Variants in CACNB2 observed in about 807,000 individuals in gnomAD.
The protein encoded by CACNB2 is voltage-dependent L-type calcium channel subunit beta-2.
A neutral mutation model predicts 73.3 loss-of-function variants in CACNB2; 42 were observed. That is an observed-to-expected ratio of 0.57 (90% CI 0.45 to 0.74). The LOEUF is 0.74. Among genes scored for constraint, CACNB2 ranks in the 30% least tolerant of loss-of-function variants. The pLI, the probability that CACNB2 is intolerant of heterozygous loss-of-function variation, is 0.00. For missense variants in CACNB2, 940 were observed against 853.0 expected, an observed-to-expected ratio of 1.10 and a Z score of -1.27; for synonymous variants, 348 against 310.3, an observed-to-expected ratio of 1.12 and a Z score of -1.28.
chr10:18,255,216 C>T (rs962629451), intron 2 of CACNB2, among the ~76,000 whole-genome samples: 2 of 152,114 alleles, frequency 1.3e-5, no homozygotes, highest in African/African-American at 4.8e-5. Context: ...TGATAATCAC[C>T]TGCCTCTCTA....
At chr10:18,479,356 T>G (rs866352336) in intron 3 of CACNB2, among the ~76,000 whole-genome samples, 1 of 152,124 alleles carries the variant, frequency 6.6e-6, no homozygotes, top group African/African-American at 2.4e-5. Context: ...TGCTGAGAAA[T>G]TACTGTAGGT....
intron 2 of CACNB2, among the ~76,000 whole-genome samples, chr10:18,171,630 G>A (rs907683924): frequency 7.6e-6 from 1 of 132,182 alleles, no homozygotes; most frequent in Non-Finnish European, 1.6e-5. Flanking sequence ...GACTCACTTA[G>A]TTTACACACC....
At chr10:18,242,672 G>A (rs947421076) in intron 2 of CACNB2, among the ~76,000 whole-genome samples, 1 of 152,094 alleles carries the variant, frequency 6.6e-6, no homozygotes, top group South Asian at 2.1e-4. Context: ...ATTAAAAGTA[G>A]AGAAATTTTA....
intron 2 of CACNB2, among the ~76,000 whole-genome samples, chr10:18,171,000 C>T (rs906359944): frequency 2.0e-5 from 3 of 152,284 alleles, no homozygotes; most frequent in East Asian, 1.9e-4. Flanking sequence ...TGCTCAAGAC[C>T]GTGTGTGCTC....
chr10:18,243,491 G>C (rs904836109), intron 2 of CACNB2, among the ~76,000 whole-genome samples: 1 of 152,162 alleles, frequency 6.6e-6, no homozygotes, highest in Non-Finnish European at 1.5e-5. Flanking sequence ...CTTGGATGTA[G>C]TTCGTGCCTC....
intron 1 of CACNB2, among the ~76,000 whole-genome samples, chr10:18,145,046 C>T (rs932410465): frequency 1.3e-5 from 2 of 152,186 alleles, no homozygotes; most frequent in Non-Finnish European, 2.9e-5. Context: ...TTGTCAGTGG[C>T]ACCTCCAGTC....
intron 3 of CACNB2, among the ~76,000 whole-genome samples, chr10:18,438,632 C>A (rs1265080770): frequency 6.6e-6 from 1 of 152,266 alleles, no homozygotes; most frequent in East Asian, 1.9e-4. Context: ...AAGGCCGTTT[C>A]TTCTCCTCTT....
chr10:18,475,097 G>A (rs1223289796), intron 3 of CACNB2, among the ~76,000 whole-genome samples: 3 of 150,772 alleles, frequency 2.0e-5, no homozygotes, highest in Non-Finnish European at 4.4e-5. Context: ...TACAACTCAG[G>A]AACAGCCAGA....
intron 3 of CACNB2, among the ~76,000 whole-genome samples, chr10:18,420,879 A>C (rs10828677): frequency 0.26 from 38,875 of 152,114 alleles, 5,304 homozygotes; most frequent in East Asian, 0.56. Flanking sequence ...ATAATTTTTT[A>C]AAAAAATTTA....
intron 2 of CACNB2, among the ~76,000 whole-genome samples, chr10:18,326,206 A>C (rs1312008838): frequency 6.6e-6 from 1 of 152,248 alleles, no homozygotes; most frequent in East Asian, 1.9e-4. Context: ...AAAAGGAAAA[A>C]AATGGACTGA....
chr10:18,262,013 A>C, intron 2 of CACNB2: 1 of 518,850 alleles, frequency 1.9e-6, no homozygotes, highest in Non-Finnish European at 3.8e-6. Context: ...CGCTGGCTTG[A>C]TTTTCATACT....
intron 1 of CACNB2, 27 bp from the exon 2 acceptor site, chr10:18,150,856 T>TTTTTTTTG: frequency 4.5e-6 from 1 of 219,784 alleles, no homozygotes; most frequent in Non-Finnish European, 7.7e-6. Context: ...CTTATTTGTC[T>TTTTTTTTG]TTTTTTTTTT....
intron 2 of CACNB2, among the ~76,000 whole-genome samples, chr10:18,388,346 A>T (rs900362031): frequency 2.6e-5 from 4 of 152,190 alleles, no homozygotes; most frequent in Non-Finnish European, 5.9e-5. Context: ...CAGCTAAATA[A>T]TCTAAAATTT....
intron 9 of CACNB2, among the ~76,000 whole-genome samples, chr10:18,526,622 A>C (rs1484723885): frequency 6.6e-6 from 1 of 152,186 alleles, no homozygotes; most frequent in East Asian, 1.9e-4. Flanking sequence ...CTGCAGTCTA[A>C]GTCATTTGCT....
chr10:18,240,861 C>T (rs777717120), intron 2 of CACNB2, among the ~76,000 whole-genome samples: 2 of 152,108 alleles, frequency 1.3e-5, no homozygotes, highest in Non-Finnish European at 2.9e-5. Context: ...GGTCAGTGGC[C>T]TCCACTCTGC....
chr10:18,371,694 T>G (rs1189421047), intron 2 of CACNB2, among the ~76,000 whole-genome samples: 1 of 152,202 alleles, frequency 6.6e-6, no homozygotes, highest in Non-Finnish European at 1.5e-5. Flanking sequence ...GCAGCATGAT[T>G]TATAATCCTT....
At chr10:18,478,472 T>G (rs997037446) in intron 3 of CACNB2, among the ~76,000 whole-genome samples, 1 of 152,208 alleles carries the variant, frequency 6.6e-6, no homozygotes. Flanking sequence ...CACTTGATGT[T>G]GAGTGTGAAA....
At chr10:18,217,209 C>A (rs1043742407) in intron 2 of CACNB2, among the ~76,000 whole-genome samples, 2 of 152,102 alleles carry the variant, frequency 1.3e-5, no homozygotes, top group African/African-American at 4.8e-5. Context: ...GTCGGCTGTG[C>A]AAGCTGGCTC....
intron 3 of CACNB2, among the ~76,000 whole-genome samples, chr10:18,453,209 G>A (rs1427883444): frequency 6.6e-6 from 1 of 152,132 alleles, no homozygotes; most frequent in Non-Finnish European, 1.5e-5. Context: ...CACGACAGCT[G>A]GAGGGATTTT....
Sources: gnomAD v4.1 joint callset for allele counts (sites outside exome capture counted in the v4.1 genomes callset) on GRCh38, gnomAD v4.1.1 for gene constraint, MANE v1.5 for transcripts, NCBI Gene and HGNC (gene_info 2026-07-23, HGNC 2026-07-21) for gene names.